The following TMCC1 variants were observed in gnomAD, a reference collection of about 807,000 sequenced individuals.
The protein encoded by TMCC1 is transmembrane and coiled-coil domains protein 1.
A neutral mutation model predicts 52.4 loss-of-function variants in TMCC1; 15 were observed. The ratio of observed to expected loss-of-function variants is 0.29; its 90% CI spans 0.19 to 0.44. TMCC1 has a LOEUF of 0.44. Ranked by LOEUF, TMCC1 falls within the 20% of genes least tolerant of loss-of-function variation. The pLI is 1.00. For synonymous variants in TMCC1, 279 were observed against 301.9 expected, an observed-to-expected ratio of 0.92 and a Z score of 0.79; for missense variants, 503 against 806.0, an observed-to-expected ratio of 0.62 and a Z score of 4.55.
At chr3:129,754,867 C>T (rs2052854365) in intron 4 of TMCC1, among the ~76,000 whole-genome samples, 2 of 152,118 alleles carry the variant, frequency 1.3e-5, no homozygotes, top group Non-Finnish European at 2.9e-5. Context: ...CACCTGAGGT[C>T]AGGAGTTTGA....
chr3:129,821,197 T>C (rs1576983939), intron 4 of TMCC1, among the ~76,000 whole-genome samples: 1 of 152,246 alleles, frequency 6.6e-6, no homozygotes, highest in East Asian at 1.9e-4. Context: ...CTATCAATAT[T>C]GAGGCATCTG....
chr3:129,760,707 G>C (rs2053498300), intron 4 of TMCC1, among the ~76,000 whole-genome samples: 1 of 151,804 alleles, frequency 6.6e-6, no homozygotes, highest in Admixed American at 6.6e-5. Context: ...TCGATCTCCT[G>C]ACCTTGTGAT....
At chr3:129,755,111 A>G (rs2107663618) in intron 4 of TMCC1, among the ~76,000 whole-genome samples, 1 of 152,208 alleles carries the variant, frequency 6.6e-6, no homozygotes, top group East Asian at 1.9e-4. Flanking sequence ...GTTTGGCAAT[A>G]AGGTTTTAGA....
At chr3:129,657,048 T>C in intron 5 of TMCC1, among the ~76,000 whole-genome samples, 1 of 152,328 alleles carries the variant, frequency 6.6e-6, no homozygotes, top group East Asian at 1.9e-4. Context: ...CCAGAGACTT[T>C]TTTAAAGCCG....
intron 2 of TMCC1, among the ~76,000 whole-genome samples, chr3:129,843,856 C>A (rs1416554721): frequency 7.4e-6 from 1 of 134,276 alleles, no homozygotes; most frequent in Admixed American, 7.5e-5. Flanking sequence ...GAACATTTCC[C>A]AACTCATTTT....
At chr3:129,766,706 C>T (rs893010507) in intron 4 of TMCC1, among the ~76,000 whole-genome samples, 2 of 151,848 alleles carry the variant, frequency 1.3e-5, no homozygotes, top group Admixed American at 6.6e-5. Flanking sequence ...CTGCAGCCTA[C>T]CCCCTGGGCT....
chr3:129,657,357 C>T (rs1401284424), intron 5 of TMCC1, among the ~76,000 whole-genome samples: 1 of 152,120 alleles, frequency 6.6e-6, no homozygotes, highest in Admixed American at 6.5e-5. Context: ...TTAATCAGTG[C>T]CTACTATGCA....
At chr3:129,893,353 C>G (rs1289690349) in intron 1 of TMCC1, 141 bp downstream of exon 1, 1 of 152,550 alleles carries the variant, frequency 6.6e-6, no homozygotes, top group African/African-American at 2.4e-5. Context: ...GTCCCAGCCC[C>G]GACAGGCCGC....
chr3:129,797,756 C>CA (rs2056931956), intron 4 of TMCC1, among the ~76,000 whole-genome samples: 2 of 152,090 alleles, frequency 1.3e-5, no homozygotes, highest in South Asian at 4.2e-4. Flanking sequence ...ACAAAACAAA[C>CA]AAACAAATCT....
chr3:129,688,909 C>T (rs1431615293), intron 4 of TMCC1, among the ~76,000 whole-genome samples: 1 of 152,172 alleles, frequency 6.6e-6, no homozygotes, highest in Non-Finnish European at 1.5e-5. Flanking sequence ...GAAAGAATCG[C>T]TTAAAGAAGA....
intron 4 of TMCC1, among the ~76,000 whole-genome samples, chr3:129,714,725 TTTAA>T (rs1342198353): frequency 1.3e-5 from 2 of 152,152 alleles, no homozygotes; most frequent in African/African-American, 4.8e-5. Context: ...AAAAGCCAAC[TTTAA>T]TTAGGCTTCT....
At chr3:129,785,588 C>A (rs868157270) in intron 4 of TMCC1, among the ~76,000 whole-genome samples, 86 of 123,190 alleles carry the variant, frequency 7.0e-4, no homozygotes, top group African/African-American at 3.8e-3. Context: ...CACACACAAA[C>A]ACACACACAC....
chr3:129,827,096 A>G (rs1017281345), intron 4 of TMCC1, among the ~76,000 whole-genome samples: 2 of 152,224 alleles, frequency 1.3e-5, no homozygotes, highest in Non-Finnish European at 1.5e-5. Context: ...CAGTTTGTCC[A>G]AGCTCCATAA....
At chr3:129,891,591 T>C (rs989724831) in intron 1 of TMCC1, among the ~76,000 whole-genome samples, 3 of 152,364 alleles carry the variant, frequency 2.0e-5, no homozygotes, top group Admixed American at 6.5e-5. Flanking sequence ...TACTAACCAC[T>C]GATTTATATC....
chr3:129,880,224 G>A (rs976072974), intron 2 of TMCC1, 85 bp downstream of exon 2: 14 of 151,978 alleles, frequency 9.2e-5, no homozygotes, highest in Admixed American at 6.6e-4. Flanking sequence ...TGAGAACTGA[G>A]TTATAGAGAG....
intron 5 of TMCC1, among the ~76,000 whole-genome samples, chr3:129,656,364 A>G (rs927392356): frequency 9.2e-5 from 14 of 152,254 alleles, no homozygotes; most frequent in African/African-American, 3.1e-4. Flanking sequence ...GGTAGCATAC[A>G]TTTAACATTA....
In TMCC1 at chr3:129,842,568, T is replaced by C. The variant is rs74466835; in HGVS notation, c.-183-9742A>G. On this transcript the variant is annotated intron_variant, in intron 2 of 6. Transcript: ENST00000393238. ...TCACCTAATTTGACCTGAGTGACAT[T>C]TGTAGGGCACTCCACTGAACAACAG... Among the ~76,000 whole-genome samples the C allele has an allele frequency of 2.6e-3, 393 of 152,216 alleles. 5 individuals are homozygous for C. Among genetic ancestry groups the C allele is most frequent in the African/African-American group, 9.1e-3 (380 of 41,534 alleles).
At chr3:129,714,637 A>C (rs2048934168) in intron 4 of TMCC1, among the ~76,000 whole-genome samples, 1 of 152,178 alleles carries the variant, frequency 6.6e-6, no homozygotes, top group African/African-American at 2.4e-5. Context: ...TTTTCCTTGA[A>C]GTTGCAATCA....
chr3:129,878,125 A>T (rs560619422), intron 2 of TMCC1, among the ~76,000 whole-genome samples: 5 of 149,448 alleles, frequency 3.3e-5, no homozygotes, highest in Admixed American at 1.3e-4. Flanking sequence ...TGCCTAGGTA[A>T]TTTTTTACTT....
Sources: allele counts gnomAD v4.1 joint callset (sites outside exome capture counted in the v4.1 genomes callset), GRCh38; gene constraint gnomAD v4.1.1; transcripts MANE v1.5; gene names NCBI Gene and HGNC (gene_info 2026-07-23, HGNC 2026-07-21).